The following CNIH3 variants were observed in gnomAD, a reference collection of about 807,000 sequenced individuals.
CNIH3 encodes cornichon family AMPA receptor auxiliary protein 3, also known as protein cornichon homolog 3.
Under a neutral mutation model 24.1 loss-of-function variants are expected in CNIH3, and 14 were observed. The observed-to-expected ratio is 0.58, with a 90% confidence interval of 0.38 to 0.91. The LOEUF (loss-of-function observed/expected upper bound fraction) is 0.91. Among genes scored for constraint, CNIH3 ranks in the 40% least tolerant of loss-of-function variants. CNIH3 has a pLI of 0.00. For synonymous variants in CNIH3, 68 were observed against 73.8 expected, an observed-to-expected ratio of 0.92 and a Z score of 0.40; for missense variants, 178 against 196.8, an observed-to-expected ratio of 0.90 and a Z score of 0.57.
chr1:224,437,822 C>A (rs562916989), intron 1 of CNIH3, among the ~76,000 whole-genome samples: 1 of 152,178 alleles, frequency 6.6e-6, no homozygotes, highest in East Asian at 1.9e-4. Flanking sequence ...GAAAAACGTT[C>A]CTATAAGCCA....
chr1:224,628,273 T>C (rs917598616), intron 1 of CNIH3, among the ~76,000 whole-genome samples: 7 of 152,204 alleles, frequency 4.6e-5, no homozygotes, highest in Non-Finnish European at 4.4e-5. Flanking sequence ...AAAAATTTGT[T>C]GTAAAATACG....
At chr1:224,534,699 G>A (rs1253445160) in intron 2 of CNIH3, among the ~76,000 whole-genome samples, 1 of 152,182 alleles carries the variant, frequency 6.6e-6, no homozygotes, top group African/African-American at 2.4e-5. Context: ...TCTATAACAG[G>A]AGAGTCTAAA....
chr1:224,559,300 G>T (rs1192151135), intron 3 of CNIH3, among the ~76,000 whole-genome samples: 1 of 152,036 alleles, frequency 6.6e-6, no homozygotes, highest in East Asian at 1.9e-4. Context: ...GATAAACATG[G>T]TTTATCGTGT....
At chr1:224,551,970 G>T (rs1290388829) in intron 3 of CNIH3, among the ~76,000 whole-genome samples, 1 of 151,002 alleles carries the variant, frequency 6.6e-6, no homozygotes, top group African/African-American at 2.4e-5. Flanking sequence ...ATGTCTAAGG[G>T]AGTTATACTA....
intron 1 of CNIH3, among the ~76,000 whole-genome samples, chr1:224,623,193 A>G (rs539247573): frequency 7.2e-5 from 11 of 152,140 alleles, no homozygotes; most frequent in Non-Finnish European, 2.9e-5. Context: ...CTGCTGCCCC[A>G]GGGGCTCTTG....
chr1:224,632,635 G>T (rs6695959), intron 1 of CNIH3, among the ~76,000 whole-genome samples: 74,328 of 151,488 alleles, frequency 0.49, 19,194 homozygotes, highest in East Asian at 0.71. Flanking sequence ...GGAGAGGTGG[G>T]CTCCCAGATC....
chr1:224,630,133 G>T (rs1017143199), intron 1 of CNIH3, among the ~76,000 whole-genome samples: 6 of 152,124 alleles, frequency 3.9e-5, no homozygotes, highest in Non-Finnish European at 7.4e-5. Flanking sequence ...TTGGCTTTGC[G>T]AGAACTGAGG....
intron 5 of CNIH3, among the ~76,000 whole-genome samples, chr1:224,737,307 T>G (rs781678334): frequency 1.3e-5 from 2 of 152,062 alleles, no homozygotes; most frequent in Non-Finnish European, 2.9e-5. Flanking sequence ...TTCCAGACAG[T>G]CTGTTTGACT....
intron 3 of CNIH3, among the ~76,000 whole-genome samples, chr1:224,599,994 A>G (rs1359837615): frequency 3.3e-5 from 5 of 152,222 alleles, no homozygotes; most frequent in Non-Finnish European, 5.9e-5. Flanking sequence ...AACTTCTCAA[A>G]TAAGTTACTT....
At chr1:224,535,819 T>C (rs1463643355) in intron 2 of CNIH3, among the ~76,000 whole-genome samples, 1 of 152,174 alleles carries the variant, frequency 6.6e-6, no homozygotes, top group Non-Finnish European at 1.5e-5. Flanking sequence ...AAGGGCCTAT[T>C]CCCAGAGCTG....
chr1:224,504,398 G>A (rs1677810199), intron 1 of CNIH3, among the ~76,000 whole-genome samples: 1 of 152,180 alleles, frequency 6.6e-6, no homozygotes, highest in African/African-American at 2.4e-5. Context: ...TTCTTATGCA[G>A]ACTGGCTGAA....
chr1:224,610,632 T>C (rs1447185142), intron 3 of CNIH3, among the ~76,000 whole-genome samples: 1 of 152,180 alleles, frequency 6.6e-6, no homozygotes, highest in Non-Finnish European at 1.5e-5. Context: ...TTTATAGCAG[T>C]GTGAAAACAG....
intron 1 of CNIH3, among the ~76,000 whole-genome samples, chr1:224,479,732 A>G (rs994763121): frequency 6.6e-6 from 1 of 152,236 alleles, no homozygotes; most frequent in Non-Finnish European, 1.5e-5. Context: ...TCCATGTCTC[A>G]CATGCAGGTC....
chr1:224,597,099 C>T (rs1682013344), intron 3 of CNIH3, among the ~76,000 whole-genome samples: 1 of 151,988 alleles, frequency 6.6e-6, no homozygotes, highest in South Asian at 2.1e-4. Context: ...TTGCAGTGAG[C>T]CGAGACTGCA....
chr1:224,455,830 A>G (rs1675626444), intron 1 of CNIH3, among the ~76,000 whole-genome samples: 1 of 152,174 alleles, frequency 6.6e-6, no homozygotes, highest in Admixed American at 6.5e-5. Flanking sequence ...AGGTATAAAC[A>G]TTGTTTTACC....
intron 1 of CNIH3, among the ~76,000 whole-genome samples, chr1:224,679,489 T>C (rs1266761754): frequency 6.6e-6 from 1 of 152,196 alleles, no homozygotes; most frequent in Non-Finnish European, 1.5e-5. Flanking sequence ...CAGGGAGTCA[T>C]ATATTATAGT....
intron 3 of CNIH3, among the ~76,000 whole-genome samples, chr1:224,726,788 T>C (rs182563746): frequency 6.6e-6 from 1 of 152,240 alleles, no homozygotes; most frequent in East Asian, 1.9e-4. Context: ...AGCAGGGTAA[T>C]AATACATGGC....
chr1:224,498,259 A>G (rs1232941386), intron 1 of CNIH3, among the ~76,000 whole-genome samples: 5 of 152,178 alleles, frequency 3.3e-5, no homozygotes, highest in Admixed American at 2.6e-4. Flanking sequence ...TTAGGCTAAC[A>G]TGGAGGCCCC....
chr1:224,676,056 C>G (rs1172935073), intron 1 of CNIH3, among the ~76,000 whole-genome samples: 2 of 152,206 alleles, frequency 1.3e-5, no homozygotes, highest in African/African-American at 4.8e-5. Context: ...TTTATAGCAG[C>G]TTTATTCATA....
Sources: allele counts gnomAD v4.1 joint callset (sites outside exome capture counted in the v4.1 genomes callset), GRCh38; gene constraint gnomAD v4.1.1; transcripts MANE v1.5; gene names NCBI Gene and HGNC (gene_info 2026-07-23, HGNC 2026-07-21).